The following CADPS variants were observed in gnomAD, a reference collection of about 807,000 sequenced individuals.
CADPS encodes calcium dependent secretion activator, also known as calcium-dependent secretion activator 1.
In CADPS, 57 loss-of-function variants were observed where a neutral mutation model predicts 167.3. That is an observed-to-expected ratio of 0.34 (90% CI 0.28 to 0.42). CADPS has a LOEUF of 0.42. Among genes scored for constraint, CADPS ranks in the 20% least tolerant of loss-of-function variants. The probability of loss-of-function intolerance (pLI) is 1.00; values close to 1 mark genes in which losing one functional copy is unlikely to be tolerated. For missense variants in CADPS, 1,414 were observed against 1,738.1 expected, an observed-to-expected ratio of 0.81 and a Z score of 3.32; for synonymous variants, 676 against 635.3, an observed-to-expected ratio of 1.06 and a Z score of -0.96.
rs377104136 is a variant in CADPS at position 62,554,364 on chromosome 3, G to A, written c.1753+3041C>T. 1.4e-4 allele frequency among the ~76,000 whole-genome samples: 22 copies of A among 152,278 alleles called. No individual in the cohort carries two copies. In the East Asian group the frequency reaches 2.5e-3, roughly 17 times the overall value. ...AAATGCTTGTGTCTGGGGGAACCAC[G>A]TAGATTGTAGGCTGGTACTAAGGCA... On this transcript the variant is annotated intron_variant, in intron 10 of 29. Coordinates refer to ENST00000383710, the MANE Select transcript of CADPS (RefSeq NM_003716.4).
intron 3 of CADPS, among the ~76,000 whole-genome samples, chr3:62,697,804 C>T (rs975206883): frequency 2.0e-5 from 3 of 151,982 alleles, no homozygotes; most frequent in South Asian, 2.1e-4. Flanking sequence ...ATTCTTGCAG[C>T]AATAAGGTGG....
intron 6 of CADPS, among the ~76,000 whole-genome samples, chr3:62,622,178 T>C (rs2063299638): frequency 6.6e-6 from 1 of 152,128 alleles, no homozygotes; most frequent in African/African-American, 2.4e-5. Flanking sequence ...AGCCCCGAGC[T>C]GTATGCTGAG....
chr3:62,680,975 C>A (rs143744677), intron 3 of CADPS, among the ~76,000 whole-genome samples: 1 of 152,012 alleles, frequency 6.6e-6, no homozygotes, highest in Non-Finnish European at 1.5e-5. Flanking sequence ...TCAGTGCCCA[C>A]CTTTCCAGCC....
At chr3:62,622,123 C>T (rs1230023118) in intron 6 of CADPS, among the ~76,000 whole-genome samples, 1 of 152,044 alleles carries the variant, frequency 6.6e-6, no homozygotes, top group Non-Finnish European at 1.5e-5. Flanking sequence ...TCACTGGTTT[C>T]CTGGGTTGGT....
At chr3:62,499,972 T>C (rs2065464903) in intron 17 of CADPS, 1 of 152,212 alleles carries the variant, frequency 6.6e-6, no homozygotes, top group South Asian at 2.1e-4. Context: ...TCTCTTAAAC[T>C]GAAAGTGTTG....
At chr3:62,563,343 G>A (rs1179646421) in intron 9 of CADPS, among the ~76,000 whole-genome samples, 1 of 152,016 alleles carries the variant, frequency 6.6e-6, no homozygotes, top group African/African-American at 2.4e-5. Flanking sequence ...TGTATTCCCA[G>A]GTGACTACTA....
intron 3 of CADPS, among the ~76,000 whole-genome samples, chr3:62,705,968 A>G (rs2082230802): frequency 6.6e-6 from 1 of 152,140 alleles, no homozygotes; most frequent in South Asian, 2.1e-4. Flanking sequence ...TGCACTTAAT[A>G]AAACCCACAT....
chr3:62,553,262 GA>G (rs2077596301), intron 10 of CADPS, among the ~76,000 whole-genome samples: 1 of 152,182 alleles, frequency 6.6e-6, no homozygotes, highest in Admixed American at 6.5e-5. Context: ...TTACTTTGGG[GA>G]AGTGGACAGC....
At chr3:62,861,259 T>G (rs753288471) in intron 1 of CADPS, among the ~76,000 whole-genome samples, 23 of 152,208 alleles carry the variant, frequency 1.5e-4, no homozygotes, top group Non-Finnish European at 3.2e-4. Flanking sequence ...GAAGAGTTTT[T>G]GCACCTGCAG....
chr3:62,803,993 C>T (rs995527), intron 1 of CADPS, among the ~76,000 whole-genome samples: 2,185 of 152,108 alleles, frequency 0.014, 43 homozygotes, highest in African/African-American at 0.04. Flanking sequence ...TCACTGGAAA[C>T]GTCATTACCT....
chr3:62,520,047 G>C (rs932117335), intron 13 of CADPS, among the ~76,000 whole-genome samples: 4 of 152,138 alleles, frequency 2.6e-5, no homozygotes, highest in Non-Finnish European at 4.4e-5. Flanking sequence ...GCAATTTAAA[G>C]CATTTGTTTT....
chr3:62,821,976 T>C (rs759915166), intron 1 of CADPS, among the ~76,000 whole-genome samples: 3 of 152,154 alleles, frequency 2.0e-5, no homozygotes, highest in Non-Finnish European at 4.4e-5. Context: ...GCGGCTGCTC[T>C]AAGCTTCTAA....
At chr3:62,596,406 C>T (rs2058949231) in intron 6 of CADPS, among the ~76,000 whole-genome samples, 1 of 151,978 alleles carries the variant, frequency 6.6e-6, no homozygotes, top group African/African-American at 2.4e-5. Flanking sequence ...CCATGTTAGC[C>T]AGGCTGGTTG....
At chr3:62,403,008 A>C in intron 29 of CADPS, 73 bp downstream of exon 29, 1 of 938,642 alleles carries the variant, frequency 1.1e-6, no homozygotes, top group Admixed American at 2.3e-5. Flanking sequence ...GTGTTAAGCA[A>C]GCTTTGCAGC....
intron 1 of CADPS, among the ~76,000 whole-genome samples, chr3:62,801,291 C>T (rs1559687042): frequency 1.3e-5 from 2 of 152,036 alleles, no homozygotes; most frequent in Non-Finnish European, 2.9e-5. Flanking sequence ...ATAATCTCTG[C>T]CCCACAACTG....
At chr3:62,762,105 G>C (rs1576018912) in intron 2 of CADPS, among the ~76,000 whole-genome samples, 1 of 152,118 alleles carries the variant, frequency 6.6e-6, no homozygotes, top group African/African-American at 2.4e-5. Context: ...GATGGAAAAG[G>C]AATAGCACCT....
chr3:62,625,202 A>C (rs1189392765), intron 6 of CADPS: 1 of 150,304 alleles, frequency 6.7e-6, no homozygotes, highest in East Asian at 1.9e-4. Context: ...TAAAGACTAC[A>C]CACATTAAAA....
At chr3:62,622,618 T>G (rs973254369) in intron 6 of CADPS, among the ~76,000 whole-genome samples, 1 of 152,180 alleles carries the variant, frequency 6.6e-6, no homozygotes, top group Non-Finnish European at 1.5e-5. Flanking sequence ...CCTGGTTCCT[T>G]CTTTTATAAT....
At chr3:62,820,963 G>A (rs148582579) in intron 1 of CADPS, among the ~76,000 whole-genome samples, 2,175 of 151,942 alleles carry the variant, frequency 0.014, 30 homozygotes, top group Non-Finnish European at 0.024. Flanking sequence ...ACCATGCCCA[G>A]CTAATTTTTG....
Sources: gnomAD v4.1 joint callset for allele counts (sites outside exome capture counted in the v4.1 genomes callset) on GRCh38, gnomAD v4.1.1 for gene constraint, MANE v1.5 for transcripts, NCBI Gene and HGNC (gene_info 2026-07-23, HGNC 2026-07-21) for gene names.